Variants in MOXD1 observed in about 807,000 individuals in gnomAD.
The protein encoded by MOXD1 is monooxygenase DBH like 1.
In MOXD1, 62 loss-of-function variants were observed where a neutral mutation model predicts 66.6. The ratio of observed to expected loss-of-function variants is 0.93; its 90% CI spans 0.76 to 1.15. The LOEUF (loss-of-function observed/expected upper bound fraction) is 1.15. Ranked by LOEUF, MOXD1 falls within the 50% of genes most tolerant of loss-of-function variation. The pLI is 0.00. For synonymous variants in MOXD1, 303 were observed against 281.9 expected, an observed-to-expected ratio of 1.07 and a Z score of -0.75; for missense variants, 847 against 754.6, an observed-to-expected ratio of 1.12 and a Z score of -1.44.
At chr6:132,377,988 C>T (rs1159315708) in intron 1 of MOXD1, among the ~76,000 whole-genome samples, 4 of 151,974 alleles carry the variant, frequency 2.6e-5, no homozygotes, top group Non-Finnish European at 4.4e-5. Flanking sequence ...ACTAGCCGCG[C>T]GTGGTGGCAG....
intron 6 of MOXD1, 145 bp from the exon 7 acceptor site, chr6:132,324,242 G>T: frequency 1.2e-6 from 1 of 814,544 alleles, no homozygotes. Context: ...ATGAGGGAAA[G>T]GGATTCAAGC....
chr6:132,385,494 TA>T (rs770960186), intron 1 of MOXD1, among the ~76,000 whole-genome samples: 5,465 of 144,028 alleles, frequency 0.038, 131 homozygotes, highest in Middle Eastern at 0.1. Flanking sequence ...TTATTATTAT[TA>T]TTATTAGAGA....
intron 4 of MOXD1, among the ~76,000 whole-genome samples, chr6:132,332,283 G>T (rs752246914): frequency 2.0e-5 from 3 of 152,082 alleles, no homozygotes; most frequent in Non-Finnish European, 4.4e-5. Flanking sequence ...AAACAACAAG[G>T]AACCTTGCTG....
chr6:132,303,121 T>G (rs1774579710), intron 10 of MOXD1, among the ~76,000 whole-genome samples: 1 of 152,020 alleles, frequency 6.6e-6, no homozygotes, highest in African/African-American at 2.4e-5. Context: ...TTCCCTTGAG[T>G]AGGCAAAGAT....
chr6:132,309,580 A>G (rs1774777355), intron 10 of MOXD1, among the ~76,000 whole-genome samples: 1 of 152,212 alleles, frequency 6.6e-6, no homozygotes, highest in African/African-American at 2.4e-5. Context: ...CTAAGCAAAA[A>G]GAACAAAGCT....
chr6:132,336,708 G>T (rs533316322), intron 4 of MOXD1, among the ~76,000 whole-genome samples: 1 of 152,278 alleles, frequency 6.6e-6, no homozygotes, highest in South Asian at 2.1e-4. Context: ...AGCACATGAG[G>T]TGATGGCAAG....
At chr6:132,309,822 C>T (rs1297899890) in intron 10 of MOXD1, among the ~76,000 whole-genome samples, 3 of 152,158 alleles carry the variant, frequency 2.0e-5, no homozygotes, top group Non-Finnish European at 2.9e-5. Context: ...AAAACTGAAC[C>T]CCTTCCTTAC....
intron 9 of MOXD1, among the ~76,000 whole-genome samples, chr6:132,320,301 T>C (rs190053982): frequency 6.6e-6 from 1 of 152,296 alleles, no homozygotes; most frequent in East Asian, 1.9e-4. Flanking sequence ...TGTATTTATC[T>C]AAGCCAGACT....
At chr6:132,394,656 A>G (rs1776835083) in intron 1 of MOXD1, among the ~76,000 whole-genome samples, 1 of 152,194 alleles carries the variant, frequency 6.6e-6, no homozygotes, top group African/African-American at 2.4e-5. Flanking sequence ...CTACAACTGA[A>G]GAATTCATTG....
At chr6:132,385,685 T>G (rs1776615821) in intron 1 of MOXD1, among the ~76,000 whole-genome samples, 1 of 151,872 alleles carries the variant, frequency 6.6e-6, no homozygotes, top group Non-Finnish European at 1.5e-5. Context: ...GGTTTCACCA[T>G]GTTGGCCAGG....
chr6:132,331,448 T>C (rs1049119881), intron 4 of MOXD1, among the ~76,000 whole-genome samples: 2 of 151,970 alleles, frequency 1.3e-5, no homozygotes, highest in Non-Finnish European at 1.5e-5. Context: ...TGCTTGACTT[T>C]GGGGAGCTTC....
intron 1 of MOXD1, among the ~76,000 whole-genome samples, chr6:132,386,480 C>T (rs557041518): frequency 5.4e-4 from 80 of 149,414 alleles, no homozygotes; most frequent in African/African-American, 1.8e-3. Context: ...GAAATAATCT[C>T]ATAACCATTG....
chr6:132,398,448 G>A (rs944218640), intron 1 of MOXD1, among the ~76,000 whole-genome samples: 1 of 152,102 alleles, frequency 6.6e-6, no homozygotes, highest in Admixed American at 6.6e-5. Context: ...ACATGATGAG[G>A]TGACTAGGAT....
At chr6:132,399,179 C>T (rs1776965377) in intron 1 of MOXD1, among the ~76,000 whole-genome samples, 1 of 151,948 alleles carries the variant, frequency 6.6e-6, no homozygotes, top group Non-Finnish European at 1.5e-5. Flanking sequence ...ACTGTCTTTC[C>T]ATTTAATTGA....
intron 10 of MOXD1, among the ~76,000 whole-genome samples, chr6:132,311,126 A>G (rs1582562706): frequency 6.6e-6 from 1 of 152,326 alleles, no homozygotes; most frequent in East Asian, 1.9e-4. Flanking sequence ...CCCAAGGGAA[A>G]GAAATATGAC....
At chr6:132,350,961 T>C (rs557119762) in intron 4 of MOXD1, among the ~76,000 whole-genome samples, 1 of 152,316 alleles carries the variant, frequency 6.6e-6, no homozygotes, top group African/African-American at 2.4e-5. Context: ...TGTTGAAGTA[T>C]AGAAGAGCTA....
At chr6:132,367,632 T>C (rs531957826) in intron 4 of MOXD1, among the ~76,000 whole-genome samples, 6 of 152,160 alleles carry the variant, frequency 3.9e-5, no homozygotes, top group South Asian at 4.2e-4. Flanking sequence ...GGGAGCAACA[T>C]TGAAAATAAA....
intron 1 of MOXD1, among the ~76,000 whole-genome samples, chr6:132,384,673 T>A (rs1262039379): frequency 1.8e-5 from 2 of 113,674 alleles, no homozygotes; most frequent in Non-Finnish European, 3.1e-5. Context: ...AGAAAGTAGT[T>A]TCCAGGAAGA....
chr6:132,341,920 C>T (rs1277350667), intron 4 of MOXD1, among the ~76,000 whole-genome samples: 1 of 152,186 alleles, frequency 6.6e-6, no homozygotes, highest in African/African-American at 2.4e-5. Flanking sequence ...AAGGTCTGCC[C>T]CTTACTAGTT....
Sources: allele counts gnomAD v4.1 joint callset (sites outside exome capture counted in the v4.1 genomes callset), GRCh38; gene constraint gnomAD v4.1.1; transcripts MANE v1.5; gene names NCBI Gene and HGNC (gene_info 2026-07-23, HGNC 2026-07-21).